Variants in SEC23A observed in about 807,000 individuals in gnomAD.
The protein encoded by SEC23A is SEC23 homolog A, COPII component.
SEC23A carries 56 observed loss-of-function variants against 103.7 expected under a neutral mutation model. That is an observed-to-expected ratio of 0.54 (90% CI 0.44 to 0.67). The LOEUF is 0.67. SEC23A is among the 30% of genes least tolerant of loss of function. SEC23A has a pLI of 0.00. For synonymous variants in SEC23A, 281 were observed against 293.0 expected (o/e 0.96, Z 0.42); for missense variants, 784 against 936.4 (o/e 0.84, Z 2.12).
rs894423641 is a variant in SEC23A, at chr14:39,083,874, C to T, written c.828+1888G>A. 2.0e-5 allele frequency among the ~76,000 whole-genome samples: 3 copies of T among 151,344 alleles called. 1 individual carries two copies. The South Asian group carries it at 6.3e-4, about 32-fold the overall frequency. On this transcript the variant is annotated intron_variant, in intron 7 of 19. Transcript: ENST00000307712. ...GCCAACACGCCAAGCCCAAAATTAA[C>T]TTTCTAAATTAATTGAGACTATCTC...
chr14:39,094,470 T>G (rs2139295747), intron 2 of SEC23A, among the ~76,000 whole-genome samples: 1 of 130,050 alleles, frequency 7.7e-6, no homozygotes, highest in African/African-American at 2.8e-5. Context: ...TCCCCTCCTG[T>G]AGAAATGGAG....
At chr14:39,075,899 T>C in intron 8 of SEC23A, 36 bp downstream of exon 8, 1 of 1,595,400 alleles carries the variant, frequency 6.3e-7, no homozygotes, top group Non-Finnish European at 8.6e-7. Context: ...ATACCTGTTT[T>C]CTAATAAGGC....
intron 7 of SEC23A, among the ~76,000 whole-genome samples, chr14:39,085,424 G>A (rs901728082): frequency 6.6e-6 from 1 of 152,152 alleles, no homozygotes; most frequent in African/African-American, 2.4e-5. Context: ...TATCAGAGAA[G>A]TATAGGTGAC....
intron 13 of SEC23A, 21 bp downstream of exon 13, chr14:39,061,744 T>C (rs1371864970): frequency 1.3e-6 from 2 of 1,548,040 alleles, no homozygotes; most frequent in South Asian, 2.2e-5. Context: ...GAAAATCAAA[T>C]CTCTAACAAA....
intron 1 of SEC23A, among the ~76,000 whole-genome samples, chr14:39,097,997 G>A (rs1040143186): frequency 6.6e-6 from 1 of 152,060 alleles, no homozygotes; most frequent in South Asian, 2.1e-4. Context: ...GCTGAGGCAG[G>A]AGAATCGCTT....
At chr14:39,089,881 G>A (rs1019806022) in intron 5 of SEC23A, among the ~76,000 whole-genome samples, 13 of 152,154 alleles carry the variant, frequency 8.5e-5, no homozygotes, top group East Asian at 1.9e-4. Flanking sequence ...GCTTGAACCC[G>A]GGAGGCGGAG....
At chr14:39,067,344 T>C (rs763047546) in intron 9 of SEC23A, 48 bp from the exon 10 acceptor site, 45 of 1,607,306 alleles carry the variant, frequency 2.8e-5, no homozygotes, top group Non-Finnish European at 3.8e-5. Context: ...AGTTACTGAG[T>C]CCGTGTGTTA....
At chr14:39,077,802 G>A (rs1887090142) in intron 7 of SEC23A, among the ~76,000 whole-genome samples, 1 of 151,602 alleles carries the variant, frequency 6.6e-6, no homozygotes, top group South Asian at 2.1e-4. Flanking sequence ...GTGTGGTAGT[G>A]CACACCTGTA....
In SEC23A at chr14:39,095,060, A is replaced by G. The variant is rs567918064; in HGVS notation, c.221+838T>C. 478 of 685,486 alleles carry G rather than the reference A, an allele frequency of 7.0e-4. 4 individuals are homozygous for G. In the South Asian group the frequency reaches 7.2e-3, roughly 10 times the overall value. 42.5% of individuals were successfully genotyped at this position (685,486 alleles called of 1,614,324 possible). A position where few individuals can be genotyped will look rare whatever the true frequency, so the allele number is the denominator to read the frequency against. On this transcript the variant is annotated intron_variant, in intron 2 of 19. Coordinates refer to ENST00000307712, the MANE Select transcript of SEC23A (RefSeq NM_006364.4). ...AAACAGGGAGAGCAGGTAGGAGGATATTGAAATTGCCCAGGAAAAAGACTG... is the reference window on the plus strand; with the variant it reads ...AAACAGGGAGAGCAGGTAGGAGGATGTTGAAATTGCCCAGGAAAAAGACTG...
At chr14:39,052,733 A>G (rs938404112) in intron 14 of SEC23A, among the ~76,000 whole-genome samples, 2 of 152,248 alleles carry the variant, frequency 1.3e-5, no homozygotes, top group African/African-American at 4.8e-5. Flanking sequence ...TAAGGAAGCA[A>G]GCTATTTCAG....
chr14:39,063,334 A>G lies in SEC23A; in HGVS notation c.1388T>C (p.Val463Ala), dbSNP rs1160380939. Residue 463 changes from valine (V) to alanine (A), a missense_variant, in exon 12 of 20, where the codon GTT becomes GCT. Coordinates refer to ENST00000307712, the MANE Select transcript of SEC23A (RefSeq NM_006364.4). ...PTTTLAIYFE[V>A]VNQHNAPIPQ... Reference sequence around the variant, plus strand: ...TGTAGAAAGTCATACCTGATTGACAACCTCAAAATATATGGCTAAGGTTGT... The same window carrying G: ...TGTAGAAAGTCATACCTGATTGACAGCCTCAAAATATATGGCTAAGGTTGT... 2 of 1,603,940 alleles carry G rather than the reference A, an allele frequency of 1.2e-6. No individual in the cohort carries two copies. The highest frequency in any genetic ancestry group is 1.7e-6 in the Non-Finnish European group (2 of 1,170,886).
intron 14 of SEC23A, among the ~76,000 whole-genome samples, chr14:39,049,989 C>T (rs1053794598): frequency 1.3e-5 from 2 of 151,850 alleles, no homozygotes; most frequent in Non-Finnish European, 2.9e-5. Context: ...AGGATGGTCT[C>T]GATCTCCTGA....
chr14:39,071,371 C>A (rs181811643), intron 9 of SEC23A, among the ~76,000 whole-genome samples: 1 of 151,998 alleles, frequency 6.6e-6, no homozygotes. Context: ...TAGGCCAAGA[C>A]GGGCAGATAA....
At chr14:39,059,278 TAAAAAA>T (rs750853379) in intron 13 of SEC23A, among the ~76,000 whole-genome samples, 5,725 of 71,066 alleles carry the variant, frequency 0.081, 79 homozygotes, top group African/African-American at 0.1. Context: ...AGTCCTAGTT[TAAAAAA>T]AAAAAAAAAA....
intron 15 of SEC23A, 119 bp from the exon 16 acceptor site, chr14:39,045,443 G>A: frequency 1.5e-6 from 1 of 679,196 alleles, no homozygotes; most frequent in Non-Finnish European, 2.4e-6. Flanking sequence ...GTTATTATAA[G>A]AATGTTCTAA....
At chr14:39,069,062 C>G (rs868028283) in intron 9 of SEC23A, among the ~76,000 whole-genome samples, 8 of 152,050 alleles carry the variant, frequency 5.3e-5, no homozygotes, top group African/African-American at 1.9e-4. Flanking sequence ...ATCATTATAC[C>G]TGATAATACA....
chr14:39,037,149 A>T (rs10483543), intron 19 of SEC23A, among the ~76,000 whole-genome samples: 14,300 of 152,114 alleles, frequency 0.094, 826 homozygotes, highest in East Asian at 0.21. Context: ...TCTTCAGACA[A>T]GCATTTACTG....
In SEC23A at chr14:39,094,434, ATATATATATTT is replaced by A. The variant is rs1566515289; in HGVS notation, c.222-1201_222-1191del. On this transcript the variant is annotated intron_variant, in intron 2 of 19. Coordinates refer to ENST00000307712, the MANE Select transcript of SEC23A (RefSeq NM_006364.4). Reference sequence around the variant, plus strand: ...TATATATATATATATATATATATATATATATATATTTTTTTTTTTTTTTTTTCCCCTCCTGT... The same window carrying A: ...TATATATATATATATATATATATATATTTTTTTTTTTTTTTCCCCTCCTGT... Among the ~76,000 whole-genome samples the A allele has an allele frequency of 8.0e-4, 24 of 29,852 alleles. 3 individuals carry two copies. Among genetic ancestry groups the A allele is most frequent in the African/African-American group, 2.7e-3 (6 of 2,252 alleles). The allele number at this position is 29,852 out of a possible 152,430, so 19.6% of individuals were successfully genotyped here.
At chr14:39,100,478 T>C (rs1173239461) in intron 1 of SEC23A, among the ~76,000 whole-genome samples, 2 of 151,388 alleles carry the variant, frequency 1.3e-5, no homozygotes, top group Non-Finnish European at 2.9e-5. Context: ...AATGGCGTGA[T>C]CTCGGCTCAC....
Sources: allele counts gnomAD v4.1 joint callset (sites outside exome capture counted in the v4.1 genomes callset), GRCh38; gene constraint gnomAD v4.1.1; transcripts MANE v1.5; gene names NCBI Gene and HGNC (gene_info 2026-07-23, HGNC 2026-07-21).